The following CNTN5 variants were observed in gnomAD, a reference collection of about 807,000 sequenced individuals.
CNTN5 encodes the protein contactin 5.
Under a neutral mutation model 129.1 loss-of-function variants are expected in CNTN5, and 77 were observed. That is an observed-to-expected ratio of 0.60 (90% confidence interval 0.50 to 0.72). CNTN5 has a LOEUF of 0.72. Among genes scored for constraint, CNTN5 ranks in the 30% least tolerant of loss-of-function variants. The probability of loss-of-function intolerance (pLI) is 0.00; values close to 1 mark genes in which losing one functional copy is unlikely to be tolerated. For synonymous variants in CNTN5, 509 were observed against 465.6 expected, an observed-to-expected ratio of 1.09 and a Z score of -1.20; for missense variants, 1,478 against 1,328.8, an observed-to-expected ratio of 1.11 and a Z score of -1.75.
At chr11:99,339,118 C>A (rs562966569) in intron 2 of CNTN5, among the ~76,000 whole-genome samples, 1 of 151,162 alleles carries the variant, frequency 6.6e-6, no homozygotes, top group African/African-American at 2.4e-5. Flanking sequence ...ACATTGCATG[C>A]CTATATTACA....
intron 13 of CNTN5, among the ~76,000 whole-genome samples, chr11:100,165,918 A>G (rs562748152): frequency 6.6e-6 from 1 of 151,898 alleles, no homozygotes; most frequent in African/African-American, 2.4e-5. Context: ...GCTAGGACAT[A>G]ACTAAGGAAG....
intron 1 of CNTN5, among the ~76,000 whole-genome samples, chr11:99,096,856 G>C (rs1591183561): frequency 6.6e-6 from 1 of 151,614 alleles, no homozygotes; most frequent in African/African-American, 2.4e-5. Flanking sequence ...TATATGACAG[G>C]CTTTAGTTTC....
chr11:99,743,983 T>A (rs1943964768), intron 3 of CNTN5, among the ~76,000 whole-genome samples: 1 of 152,142 alleles, frequency 6.6e-6, no homozygotes, highest in African/African-American at 2.4e-5. Flanking sequence ...TTTTTTACCC[T>A]GACTTTTGTA....
At chr11:99,115,553 A>G (rs919443688) in intron 1 of CNTN5, among the ~76,000 whole-genome samples, 1 of 152,090 alleles carries the variant, frequency 6.6e-6, no homozygotes, top group African/African-American at 2.4e-5. Context: ...TCAGGAGAGG[A>G]GTTTGAGACC....
intron 3 of CNTN5, among the ~76,000 whole-genome samples, chr11:99,776,720 C>T (rs1385362768): frequency 6.6e-6 from 1 of 151,196 alleles, no homozygotes; most frequent in Non-Finnish European, 1.5e-5. Flanking sequence ...AGAAGCTAAT[C>T]AACTCATGTG....
chr11:99,710,293 C>G (rs1954920625), intron 3 of CNTN5, among the ~76,000 whole-genome samples: 1 of 151,720 alleles, frequency 6.6e-6, no homozygotes, highest in African/African-American at 2.4e-5. Context: ...AGAACCTTGC[C>G]CCATTCATTC....
intron 6 of CNTN5, among the ~76,000 whole-genome samples, chr11:99,862,405 A>G (rs1948235462): frequency 6.6e-6 from 1 of 152,174 alleles, no homozygotes; most frequent in South Asian, 2.1e-4. Flanking sequence ...ACAAATTACC[A>G]TCTTCCTATA....
chr11:100,283,711 C>T (rs967658001), intron 18 of CNTN5, among the ~76,000 whole-genome samples: 1 of 151,930 alleles, frequency 6.6e-6, no homozygotes, highest in Non-Finnish European at 1.5e-5. Flanking sequence ...TTTGGGAGGC[C>T]GAGGTGGGTG....
At chr11:99,090,752 G>C (rs1866209456) in intron 1 of CNTN5, among the ~76,000 whole-genome samples, 1 of 150,922 alleles carries the variant, frequency 6.6e-6, no homozygotes, top group South Asian at 2.1e-4. Flanking sequence ...GCCGGGCGCG[G>C]TGGCTCACGC....
At chr11:100,279,799 G>A (rs1950594211) in intron 18 of CNTN5, among the ~76,000 whole-genome samples, 1 of 149,840 alleles carries the variant, frequency 6.7e-6, no homozygotes, top group South Asian at 2.1e-4. Flanking sequence ...ATTTATTTCT[G>A]CTCTGATCTT....
intron 8 of CNTN5, among the ~76,000 whole-genome samples, chr11:99,963,700 A>T (rs1013649940): frequency 6.6e-6 from 1 of 152,190 alleles, no homozygotes; most frequent in African/African-American, 2.4e-5. Context: ...TGAAGAAAGT[A>T]ATTAGTAGCT....
chr11:99,615,178 T>G (rs1950722250), intron 3 of CNTN5, among the ~76,000 whole-genome samples: 1 of 151,488 alleles, frequency 6.6e-6, no homozygotes, highest in African/African-American at 2.4e-5. Flanking sequence ...ATTTGATAAC[T>G]AAGAAATCAT....
intron 18 of CNTN5, among the ~76,000 whole-genome samples, chr11:100,276,734 G>C (rs1027349235): frequency 1.3e-5 from 2 of 151,840 alleles, no homozygotes; most frequent in Non-Finnish European, 2.9e-5. Flanking sequence ...TTTTGATACA[G>C]GCATACAATG....
At chr11:99,779,245 CAGA>C (rs1945229929) in intron 3 of CNTN5, among the ~76,000 whole-genome samples, 1 of 151,704 alleles carries the variant, frequency 6.6e-6, no homozygotes, top group African/African-American at 2.4e-5. Flanking sequence ...AGAAAAAATT[CAGA>C]AGAAATAAAA....
chr11:99,315,776 A>G (rs1048206280), intron 1 of CNTN5, among the ~76,000 whole-genome samples: 1 of 149,166 alleles, frequency 6.7e-6, no homozygotes, highest in African/African-American at 2.4e-5. Context: ...TTAGAAGGTG[A>G]CAGGGATTAC....
At chr11:99,362,859 T>C (rs1939205847) in intron 2 of CNTN5, among the ~76,000 whole-genome samples, 1 of 152,132 alleles carries the variant, frequency 6.6e-6, no homozygotes, top group South Asian at 2.1e-4. Context: ...ATGCTGTCTA[T>C]TGTATATTCT....
chr11:99,812,778 G>A (rs143571977), intron 3 of CNTN5, among the ~76,000 whole-genome samples: 1 of 152,112 alleles, frequency 6.6e-6, no homozygotes, highest in African/African-American at 2.4e-5. Flanking sequence ...TGGAGGAGGA[G>A]GATATATGCA....
intron 17 of CNTN5, among the ~76,000 whole-genome samples, chr11:100,259,681 G>A (rs1231345469): frequency 6.6e-6 from 1 of 152,060 alleles, no homozygotes; most frequent in Non-Finnish European, 1.5e-5. Context: ...TGAAAAACCT[G>A]CTCCTGAATG....
chr11:99,866,538 G>A (rs939579087), intron 6 of CNTN5, among the ~76,000 whole-genome samples: 1 of 152,134 alleles, frequency 6.6e-6, no homozygotes, highest in Non-Finnish European at 1.5e-5. Flanking sequence ...AAAACTCAGG[G>A]TATCTGCTAT....
Sources: allele counts gnomAD v4.1 joint callset (sites outside exome capture counted in the v4.1 genomes callset), GRCh38; gene constraint gnomAD v4.1.1; transcripts MANE v1.5; gene names NCBI Gene and HGNC (gene_info 2026-07-23, HGNC 2026-07-21).